WHRN: variants seen among roughly 807,000 people sequenced by gnomAD.
WHRN encodes the protein whirlin.
In WHRN, 41 loss-of-function variants were observed where a neutral mutation model predicts 68.3. The observed-to-expected ratio is 0.60, with a 90% CI of 0.47 to 0.78. The LOEUF (loss-of-function observed/expected upper bound fraction) is 0.78, where lower values mean the gene tolerates loss of function less well. Ranked by LOEUF, WHRN falls within the 30% of genes least tolerant of loss-of-function variation. The pLI, the probability that WHRN is intolerant of heterozygous loss-of-function variation, is 0.00. For synonymous variants in WHRN, 560 were observed against 561.3 expected, an observed-to-expected ratio of 1.00 and a Z score of 0.03; for missense variants, 1,243 against 1,244.7, an observed-to-expected ratio of 1.00 and a Z score of 0.02.
chr9:114,467,156 T>TG (rs901245062), intron 2 of WHRN, among the ~76,000 whole-genome samples: 40 of 151,526 alleles, frequency 2.6e-4, no homozygotes, highest in East Asian at 1.2e-3. Flanking sequence ...TCCTATCACC[T>TG]GGGGGGGTCT....
intron 1 of WHRN, among the ~76,000 whole-genome samples, chr9:114,496,569 A>G (rs1194181356): frequency 6.6e-6 from 1 of 152,252 alleles, no homozygotes; most frequent in Non-Finnish European, 1.5e-5. Flanking sequence ...CTAAGCAGGC[A>G]TAACAGAAGA....
At chr9:114,456,271 T>C (rs1839786458) in intron 3 of WHRN, among the ~76,000 whole-genome samples, 1 of 152,114 alleles carries the variant, frequency 6.6e-6, no homozygotes, top group South Asian at 2.1e-4. Flanking sequence ...TTATATAAAT[T>C]TGTAAAACTC....
chr9:114,406,279 C>T lies in WHRN; in HGVS notation c.2236+76G>A, dbSNP rs77084443. On this transcript the variant is annotated intron_variant, in intron 9 of 11. Transcript: ENST00000362057. Reference sequence around the variant, plus strand: ...AACAAGTAGCTGGTCCCCCCCTTCACTGTGTCATCAGGTAGACTGACCTGA... The same window carrying T: ...AACAAGTAGCTGGTCCCCCCCTTCATTGTGTCATCAGGTAGACTGACCTGA... 4.9e-4 allele frequency: 788 copies of T among 1,597,414 alleles called. 5 individuals carry two copies. In the African/African-American group the frequency reaches 9.4e-3, roughly 19 times the overall value.
intron 3 of WHRN, among the ~76,000 whole-genome samples, chr9:114,455,189 A>G (rs1839674815): frequency 6.6e-6 from 1 of 150,558 alleles, no homozygotes. Flanking sequence ...TATTAAAATG[A>G]AAAATTCTTG....
chr9:114,498,781 T>G (rs367783769), intron 1 of WHRN, among the ~76,000 whole-genome samples: 2 of 152,116 alleles, frequency 1.3e-5, no homozygotes, highest in East Asian at 1.9e-4. Context: ...GGAGGCCACT[T>G]GGTTCCTAAT....
rs900006746 is a variant in WHRN at position 114,505,319 on chromosome 9, T to TGGCAGCCGGTGAAGC, written c.-533_-519dup. On this transcript the variant is annotated 5_prime_UTR_variant, in exon 1 of 12. Coordinates refer to ENST00000362057, the MANE Select transcript of WHRN (RefSeq NM_015404.4). The stretch of plus-strand genomic sequence containing the variant: ...TCTAGTCCCAGAGCACTCCGGGGAG[T>TGGCAGCCGGTGAAGC]GGCAGCCGGTGAAGCGGCGCGGGCG... 2.6e-5 allele frequency: 4 copies of TGGCAGCCGGTGAAGC among 152,212 alleles called. No individual in the cohort carries two copies. Among genetic ancestry groups the TGGCAGCCGGTGAAGC allele is most frequent in the African/African-American group, 9.7e-5 (4 of 41,304 alleles). 9.4% of individuals were successfully genotyped at this position (152,212 alleles called of 1,614,324 possible). A position where few individuals can be genotyped will look rare whatever the true frequency, so the allele number is the denominator to read the frequency against.
intron 1 of WHRN, among the ~76,000 whole-genome samples, chr9:114,495,554 AATAG>A (rs1398571701): frequency 6.6e-6 from 1 of 152,256 alleles, no homozygotes; most frequent in African/African-American, 2.4e-5. Flanking sequence ...GCAATTAAAA[AATAG>A]ATAAATACAC....
intron 3 of WHRN, among the ~76,000 whole-genome samples, chr9:114,456,045 G>T (rs1175779986): frequency 6.6e-6 from 1 of 150,936 alleles, no homozygotes; most frequent in Non-Finnish European, 1.5e-5. Flanking sequence ...TTGAAGTATG[G>T]TTTTTATTGA....
intron 1 of WHRN, among the ~76,000 whole-genome samples, chr9:114,499,629 ACT>A (rs1244488827): frequency 6.6e-6 from 1 of 152,176 alleles, no homozygotes; most frequent in Non-Finnish European, 1.5e-5. Flanking sequence ...GGGGATTATG[ACT>A]CTGAGGAGAC....
intron 1 of WHRN, among the ~76,000 whole-genome samples, chr9:114,496,447 G>A (rs1417605713): frequency 6.6e-6 from 1 of 152,200 alleles, no homozygotes; most frequent in Non-Finnish European, 1.5e-5. Flanking sequence ...TTCAGTAAAT[G>A]ACTCTGCAAT....
chr9:114,499,835 A>G (rs745572810), intron 1 of WHRN, among the ~76,000 whole-genome samples: 39 of 152,364 alleles, frequency 2.6e-4, no homozygotes, highest in Non-Finnish European at 1.2e-4. Context: ...CAACTGATGA[A>G]TTGATGGCAA....
At chr9:114,412,911 C>T (rs1835552118) in intron 7 of WHRN, among the ~76,000 whole-genome samples, 1 of 152,240 alleles carries the variant, frequency 6.6e-6, no homozygotes, top group Non-Finnish European at 1.5e-5. Context: ...CTCCTCCCCT[C>T]AGCCCAATTC....
chr9:114,460,328 G>A (rs1840141683), intron 3 of WHRN, among the ~76,000 whole-genome samples: 1 of 152,232 alleles, frequency 6.6e-6, no homozygotes, highest in African/African-American at 2.4e-5. Flanking sequence ...AGTTGTTCAT[G>A]TATTAAATGA....
At chr9:114,492,690 A>C (rs1843088474) in intron 1 of WHRN, among the ~76,000 whole-genome samples, 1 of 152,174 alleles carries the variant, frequency 6.6e-6, no homozygotes, top group Non-Finnish European at 1.5e-5. Flanking sequence ...TTCAAGTTTT[A>C]AAAATTAAGT....
intron 1 of WHRN, among the ~76,000 whole-genome samples, chr9:114,493,933 T>C (rs1350238567): frequency 6.6e-6 from 1 of 152,248 alleles, no homozygotes; most frequent in African/African-American, 2.4e-5. Context: ...CTGGGCTGTA[T>C]GCCGTGCTTC....
chr9:114,493,450 G>A (rs1021028087), intron 1 of WHRN, among the ~76,000 whole-genome samples: 1 of 151,488 alleles, frequency 6.6e-6, no homozygotes, highest in Admixed American at 6.6e-5. Context: ...TGTTTCCTAT[G>A]ACCAAACAAA....
chr9:114,444,295 C>G (rs1024508193), intron 3 of WHRN, among the ~76,000 whole-genome samples: 3 of 152,108 alleles, frequency 2.0e-5, no homozygotes, highest in African/African-American at 7.2e-5. Context: ...ACCAAATAAC[C>G]ATGGTTATAC....
intron 7 of WHRN, among the ~76,000 whole-genome samples, chr9:114,419,443 C>T (rs1285570104): frequency 6.6e-6 from 1 of 152,218 alleles, no homozygotes; most frequent in Non-Finnish European, 1.5e-5. Context: ...CACGTGCGAT[C>T]GCTGCCCTCA....
chr9:114,479,482 T>A (rs1360806790), intron 1 of WHRN, among the ~76,000 whole-genome samples: 1 of 152,232 alleles, frequency 6.6e-6, no homozygotes, highest in African/African-American at 2.4e-5. Context: ...TACAACCATA[T>A]GCTGAATCCT....
Sources: allele counts gnomAD v4.1 joint callset (sites outside exome capture counted in the v4.1 genomes callset), GRCh38; gene constraint gnomAD v4.1.1; transcripts MANE v1.5; gene names NCBI Gene and HGNC (gene_info 2026-07-23, HGNC 2026-07-21).